ADTRP: variants seen among roughly 807,000 people sequenced by gnomAD.
ADTRP encodes androgen-dependent TFPI-regulating protein.
ADTRP carries 20 observed loss-of-function variants against 27.0 expected under a neutral mutation model. The observed-to-expected ratio is 0.74, with a 90% CI of 0.52 to 1.08. The LOEUF is 1.08. Among genes scored for constraint, ADTRP ranks in the 50% least tolerant of loss-of-function variants. ADTRP has a pLI of 0.00. For synonymous variants in ADTRP, 101 were observed against 105.2 expected, an observed-to-expected ratio of 0.96 and a Z score of 0.25; for missense variants, 251 against 275.0, an observed-to-expected ratio of 0.91 and a Z score of 0.62.
intron 3 of ADTRP, among the ~76,000 whole-genome samples, chr6:11,745,858 T>A (rs556763321): frequency 6.6e-6 from 1 of 152,180 alleles, no homozygotes; most frequent in Non-Finnish European, 1.5e-5. Context: ...TGACATGATC[T>A]CGGCTCACTG....
chr6:11,762,628 T>G (rs1432142555), intron 3 of ADTRP, among the ~76,000 whole-genome samples: 3 of 152,236 alleles, frequency 2.0e-5, no homozygotes. Context: ...GATCATGGAT[T>G]GAGAATAAGC....
intron 5 of ADTRP, among the ~76,000 whole-genome samples, chr6:11,716,190 G>A (rs1761818343): frequency 6.6e-6 from 1 of 152,122 alleles, no homozygotes; most frequent in African/African-American, 2.4e-5. Context: ...TCACTCTGAG[G>A]ATTCCTAAAA....
intron 5 of ADTRP, among the ~76,000 whole-genome samples, 175 bp from the exon 6 acceptor site, chr6:11,714,687 G>A (rs1247076265): frequency 5.3e-5 from 8 of 152,104 alleles, no homozygotes; most frequent in African/African-American, 7.2e-5. Context: ...CGATGACAGG[G>A]GCAGAGAACA....
At chr6:11,769,897 TA>T in intron 1 of ADTRP, 2 of 957,542 alleles carry the variant, frequency 2.1e-6, no homozygotes, top group Middle Eastern at 2.1e-4. Context: ...CTCAAAGCTA[TA>T]AAGCGGACTT....
At chr6:11,722,392 G>A (rs956683502) in intron 5 of ADTRP, among the ~76,000 whole-genome samples, 4 of 151,948 alleles carry the variant, frequency 2.6e-5, no homozygotes, top group Admixed American at 6.6e-5. Context: ...TTGCATACAC[G>A]GGCTTATGTT....
chr6:11,736,025 C>A (rs1420786012), intron 3 of ADTRP: 2 of 188,164 alleles, frequency 1.1e-5, no homozygotes, highest in Non-Finnish European at 2.2e-5. Context: ...TGCAGTGCCA[C>A]GATCTTGGCT....
At chr6:11,776,431 A>C (rs1763957885) in intron 1 of ADTRP, among the ~76,000 whole-genome samples, 2 of 152,238 alleles carry the variant, frequency 1.3e-5, no homozygotes, top group Admixed American at 1.3e-4. Flanking sequence ...GATTAAAAAA[A>C]ACTTCTGTTT....
Position 11,768,029 on chromosome 6 carries a change from C to A in ADTRP, c.288+220G>T, listed in dbSNP as rs151329760. Reference sequence around the variant, plus strand: ...ACGGCAATAAGGACCTTGTACCAAGCCTTTGCAGAGGTACAAAAGCTAGTG... The same window carrying A: ...ACGGCAATAAGGACCTTGTACCAAGACTTTGCAGAGGTACAAAAGCTAGTG... On this transcript the variant is annotated intron_variant, in intron 2 of 5. Transcript: ENST00000414691. 2.8e-3 allele frequency among the ~76,000 whole-genome samples: 419 copies of A among 152,286 alleles called. 3 individuals are homozygous for A. The highest frequency in any genetic ancestry group is 9.8e-3 in the African/African-American group (405 of 41,536).
At chr6:11,720,616 C>T (rs541960304) in intron 5 of ADTRP, among the ~76,000 whole-genome samples, 10 of 152,174 alleles carry the variant, frequency 6.6e-5, no homozygotes, top group East Asian at 3.9e-4. Context: ...GGACTACAGG[C>T]GCCCGCCACC....
At chr6:11,758,523 G>T (rs888005071) in intron 3 of ADTRP, among the ~76,000 whole-genome samples, 8 of 129,338 alleles carry the variant, frequency 6.2e-5, no homozygotes, top group South Asian at 2.5e-4. Flanking sequence ...TGAACAATGA[G>T]AACACATGGA....
intron 5 of ADTRP, among the ~76,000 whole-genome samples, chr6:11,715,682 T>C (rs1424051128): frequency 6.8e-6 from 1 of 146,044 alleles, no homozygotes; most frequent in Non-Finnish European, 1.5e-5. Flanking sequence ...AGACAAGGTC[T>C]TTGCCCAGGC....
At chr6:11,741,820 G>A (rs945129370) in intron 3 of ADTRP, among the ~76,000 whole-genome samples, 1 of 151,596 alleles carries the variant, frequency 6.6e-6, no homozygotes, top group Non-Finnish European at 1.5e-5. Flanking sequence ...CCCCTCTAAA[G>A]TATCCAAATC....
chr6:11,722,651 G>A (rs1329829496), intron 5 of ADTRP, among the ~76,000 whole-genome samples: 1 of 152,158 alleles, frequency 6.6e-6, no homozygotes, highest in Non-Finnish European at 1.5e-5. Context: ...GGGGTGGGGA[G>A]AGAGGAAGCA....
chr6:11,777,606 A>C (rs556518011), intron 1 of ADTRP, among the ~76,000 whole-genome samples: 13 of 152,356 alleles, frequency 8.5e-5, no homozygotes, highest in African/African-American at 3.1e-4. Context: ...TGAAGTTTTC[A>C]AAGACACTAG....
chr6:11,761,643 C>T (rs1263059047), intron 3 of ADTRP, among the ~76,000 whole-genome samples: 2 of 152,026 alleles, frequency 1.3e-5, no homozygotes, highest in African/African-American at 4.8e-5. Flanking sequence ...TTCATTTTGT[C>T]TTTTTGATTT....
At position 11,714,456 on chromosome 6, in the gene ADTRP, G is replaced by A; in HGVS notation, c.*22C>T. The A allele has an allele frequency of 6.2e-7, 1 of 1,606,076 alleles. No individual in the cohort carries two copies. Among genetic ancestry groups the A allele is most frequent in the Non-Finnish European group, 8.5e-7 (1 of 1,177,742 alleles). On this transcript the variant is annotated 3_prime_UTR_variant, in exon 6 of 6. Coordinates refer to ENST00000414691, the MANE Select transcript of ADTRP (RefSeq NM_032744.4). Reference sequence around the variant, plus strand: ...ATCTCTTGTGTTTTCTTCTTTCTTGGTTCTTGGAAAATGGTGTGCAATTAC... The same window carrying A: ...ATCTCTTGTGTTTTCTTCTTTCTTGATTCTTGGAAAATGGTGTGCAATTAC...
At chr6:11,767,405 A>G (rs535102562) in intron 2 of ADTRP, among the ~76,000 whole-genome samples, 2 of 152,314 alleles carry the variant, frequency 1.3e-5, no homozygotes, top group Admixed American at 1.3e-4. Context: ...AGGTAGAGGT[A>G]TCCTGCAAAG....
chr6:11,767,151 C>T (rs1002022776), intron 2 of ADTRP, among the ~76,000 whole-genome samples: 4 of 152,192 alleles, frequency 2.6e-5, no homozygotes, highest in African/African-American at 9.7e-5. Flanking sequence ...GCAGGCAGAT[C>T]ACTTGAGTTC....
chr6:11,757,624 G>A (rs1280730994), intron 3 of ADTRP, among the ~76,000 whole-genome samples: 2 of 152,154 alleles, frequency 1.3e-5, no homozygotes, highest in African/African-American at 4.8e-5. Context: ...CAATCTGGTT[G>A]GTATCCTTAT....
Sources: allele counts gnomAD v4.1 joint callset (sites outside exome capture counted in the v4.1 genomes callset), GRCh38; gene constraint gnomAD v4.1.1; transcripts MANE v1.5; gene names NCBI Gene and HGNC (gene_info 2026-07-23, HGNC 2026-07-21).